Variants in HYOU1 observed in about 807,000 individuals in gnomAD.
HYOU1 encodes hypoxia up-regulated protein 1.
A neutral mutation model predicts 120.5 loss-of-function variants in HYOU1; 40 were observed. The observed-to-expected ratio is 0.33, with a 90% CI of 0.26 to 0.43. HYOU1 has a LOEUF of 0.43. Ranked by LOEUF, HYOU1 falls within the 20% of genes least tolerant of loss-of-function variation. The probability of loss-of-function intolerance (pLI) is 1.00; values close to 1 mark genes in which losing one functional copy is unlikely to be tolerated. For synonymous variants in HYOU1, 501 were observed against 479.4 expected, an observed-to-expected ratio of 1.05 and a Z score of -0.59; for missense variants, 1,085 against 1,278.3, an observed-to-expected ratio of 0.85 and a Z score of 2.31.
intron 16 of HYOU1, 162 bp from the exon 17 acceptor site, chr11:119,049,365 G>A: frequency 3.2e-6 from 5 of 1,555,536 alleles, no homozygotes; most frequent in South Asian, 1.2e-5. Context: ...GACAAAGGAA[G>A]AGCATCTGCA....
In HYOU1 at chr11:119,055,627, C is replaced by G; in HGVS notation, c.186-56G>C. ...CTGCAGCAGAAGGACTCAGAAGCCT[C>G]GACACTCACACACATTTAACCACTC... is the stretch of plus-strand genomic sequence containing the variant. On this transcript the variant is annotated intron_variant, in intron 3 of 25. Coordinates refer to ENST00000617285, the MANE Select transcript of HYOU1 (RefSeq NM_006389.5). This position sits in a 1 kb window ranked among gnomAD's most constrained non-coding sequence, Gnocchi z 4.0. 1.3e-6 allele frequency: 2 copies of G among 1,534,810 alleles called. No individual in the cohort carries two copies. The highest frequency in any genetic ancestry group is 1.8e-6 in the Non-Finnish European group (2 of 1,107,900).
Position 119,048,416 on chromosome 11 carries a change from C to A in HYOU1, c.2254-46G>T. 1 of 1,611,656 alleles carries A rather than the reference C, an allele frequency of 6.2e-7. No homozygotes were observed. The highest frequency in any genetic ancestry group is 8.5e-7 in the Non-Finnish European group (1 of 1,179,572). On this transcript the variant is annotated intron_variant, in intron 19 of 25. Coordinates refer to ENST00000617285, the MANE Select transcript of HYOU1 (RefSeq NM_006389.5). This position sits in a 1 kb window ranked among gnomAD's most constrained non-coding sequence, Gnocchi z 4.7. ...ACACATGCACCCACAAGCCCAGAGG[C>A]AAGGCCCACAGAGCCAGGTGTAAGC...
chr11:119,054,038 G>A, intron 8 of HYOU1, 83 bp downstream of exon 8: 2 of 815,870 alleles, frequency 2.5e-6, no homozygotes, highest in Non-Finnish European at 4.1e-6. Flanking sequence ...ATGCAGGAAA[G>A]CAAAGCAGTG....
chr11:119,052,817 G>C lies in HYOU1; in HGVS notation c.807C>G (p.Thr269=), dbSNP rs141477322. 59 of 1,613,386 alleles carry C rather than the reference G, an allele frequency of 3.7e-5. No individual in the cohort carries two copies. The highest frequency in any genetic ancestry group is 4.9e-5 in the Non-Finnish European group (58 of 1,179,802). Residue 269 remains threonine (T), a synonymous_variant, in exon 9 of 26, where the codon ACC becomes ACG. Coordinates refer to ENST00000617285, the MANE Select transcript of HYOU1 (RefSeq NM_006389.5). The surrounding 1 kb of genome is among the most constrained non-coding windows in gnomAD (Gnocchi z 5.0). ...LQIRGVGFDR[T]LGGLEMELRL... ...GGAGCTCCATCTCCAGGCCCCCCAG[G>C]GTACGGTCAAATCTGTTGAGAAAAG...
At position 119,047,629 on chromosome 11, in the gene HYOU1, T is replaced by C. The variant is rs150386978; in HGVS notation, c.2595+105A>G. 742 of 934,758 alleles carry C rather than the reference T, an allele frequency of 7.9e-4. 11 individuals are homozygous for C. The East Asian group carries it at 0.015, about 19-fold the overall frequency. The allele number at this position is 934,758 out of a possible 1,614,324, so 57.9% of individuals were successfully genotyped here. Reference sequence around the variant, plus strand: ...AAACATCTTTTGTCTTCAGGTTAGATGCTAAGCCAGGAGGCAGGGGCTGCT... The same window carrying C: ...AAACATCTTTTGTCTTCAGGTTAGACGCTAAGCCAGGAGGCAGGGGCTGCT... On this transcript the variant is annotated intron_variant, in intron 22 of 25. Transcript: ENST00000617285.
chr11:119,053,847 AT>A (rs1944596927), intron 8 of HYOU1: 1 of 333,568 alleles, frequency 3.0e-6, no homozygotes, highest in Admixed American at 4.5e-5. Context: ...CAAAAACATG[AT>A]TGAATCTGAC....
At position 119,055,492 on chromosome 11, in the gene HYOU1, C is replaced by T; in HGVS notation, c.264+1G>A. The T allele has an allele frequency of 6.2e-7, 1 of 1,613,812 alleles. No individual in the cohort carries two copies. The highest frequency in any genetic ancestry group is 8.5e-7 in the Non-Finnish European group (1 of 1,179,758). On this transcript the variant is annotated splice_donor_variant, in intron 4 of 25. Coordinates refer to ENST00000617285, the MANE Select transcript of HYOU1 (RefSeq NM_006389.5). LOFTEE classifies it high-confidence loss of function. This position sits in a 1 kb window ranked among gnomAD's most constrained non-coding sequence, Gnocchi z 4.0. ...TCTGGGAAGAGGGACTGCTAGCTCA[C>T]CATGCTTGCTGCACTGTCTCCAAAG... is the stretch of plus-strand genomic sequence containing the variant.
chr11:119,049,292 C>A lies in HYOU1; in HGVS notation c.1807-89G>T, dbSNP rs2133571790. On this transcript the variant is annotated intron_variant, in intron 16 of 25. Coordinates refer to ENST00000617285, the MANE Select transcript of HYOU1 (RefSeq NM_006389.5). ...CGGCACCGCCGACCCCATGGGGGTT[C>A]CATACAGGTGACTGCTGTATGGAAA... 8.6e-5 allele frequency: 136 copies of A among 1,580,540 alleles called. 2 individuals carry two copies. The South Asian group carries it at 1.5e-3, about 17-fold the overall frequency.
chr11:119,051,908 T>C lies in HYOU1; in HGVS notation c.1249A>G (p.Met417Val), dbSNP rs1241443647. The C allele has an allele frequency of 6.2e-7, 1 of 1,614,170 alleles. No homozygotes were observed. Among genetic ancestry groups the C allele is most frequent in the Non-Finnish European group, 8.5e-7 (1 of 1,180,010 alleles). Residue 417 changes from methionine to valine, a missense_variant, in exon 12 of 26, where the codon ATG (methionine) becomes GTG (valine). This residue lies in a region of HYOU1 where 515 missense variants were observed against 677.8 expected (regional missense o/e 0.76). Transcript: ENST00000617285. This position sits in a 1 kb window ranked among gnomAD's most constrained non-coding sequence, Gnocchi z 4.2. ...KNINADEAAA[M>V]GAVYQAAALS... ...GCAGCTGCCTGGTACACTGCCCCCA[T>C]GGCGGCTGCTTCATCTGCATTGATG...
chr11:119,053,989 C>T (rs2133602062), intron 8 of HYOU1, 132 bp downstream of exon 8: 1 of 629,010 alleles, frequency 1.6e-6, no homozygotes. Context: ...TGGTCCCCTA[C>T]AATGACTGAT....
Position 119,045,389 on chromosome 11 carries a change from G to A in HYOU1, c.*204C>T. 1 of 700,570 alleles carries A rather than the reference G, an allele frequency of 1.4e-6. No individual in the cohort carries two copies. Among genetic ancestry groups the A allele is most frequent in the Admixed American group, 2.0e-5 (1 of 49,808 alleles). The allele number at this position is 700,570 out of a possible 1,614,324, so 43.4% of individuals were successfully genotyped here. The stretch of plus-strand genomic sequence containing the variant: ...GGGAGTGGGGCTGGGGAGGAGAACA[G>A]TTTCCATTTTTAACCACAGAGGTAC... On this transcript the variant is annotated 3_prime_UTR_variant, in exon 26 of 26. Coordinates refer to ENST00000617285, the MANE Select transcript of HYOU1 (RefSeq NM_006389.5).
At chr11:119,056,767 G>A (rs370280559) in intron 1 of HYOU1, 4 of 220,896 alleles carry the variant, frequency 1.8e-5, no homozygotes, top group East Asian at 1.2e-4. Flanking sequence ...TTCCCCGCCC[G>A]GCGGGTAGCC....
chr11:119,057,156 T>C lies in HYOU1; in HGVS notation c.-144A>G, dbSNP rs1181032939. 1 of 151,268 alleles carries C rather than the reference T, an allele frequency of 6.6e-6. No homozygotes were observed. The highest frequency in any genetic ancestry group is 1.5e-5 in the Non-Finnish European group (1 of 67,840). The allele number at this position is 151,268 out of a possible 1,614,324, so 9.4% of individuals were successfully genotyped here. A position where few individuals can be genotyped will look rare whatever the true frequency, so the allele number is the denominator to read the frequency against. ...AACTGTTACATTAGCCACCAACCTC[T>C]CGGCGGCGTCTCGCGCACCAGCCGG... On this transcript the variant is annotated 5_prime_UTR_variant, in exon 1 of 26. Transcript: ENST00000617285.
Position 119,052,136 on chromosome 11 carries a change from T to C in HYOU1, c.1159A>G (p.Thr387Ala), listed in dbSNP as rs2133590599. The C allele has an allele frequency of 6.2e-7, 1 of 1,614,134 alleles. No individual in the cohort carries two copies. Among genetic ancestry groups the C allele is most frequent in the Non-Finnish European group, 8.5e-7 (1 of 1,180,014 alleles). The change falls in exon 11 of 26, where the codon ACT (threonine) becomes GCT (alanine). Residue 387 changes from threonine (T) to alanine (A), a missense_variant. Transcript: ENST00000617285. This position sits in a 1 kb window ranked among gnomAD's most constrained non-coding sequence, Gnocchi z 5.0. Reference protein sequence around the residue: ...IEQVILVGGATRVPRVQEVLL... With the variant: ...IEQVILVGGAARVPRVQEVLL... ...ACCTCCTGAACTCTGGGGACCCGAGTGGCCCCACCCACCAGGATCACCTGC... is the reference window on the plus strand; with the variant it reads ...ACCTCCTGAACTCTGGGGACCCGAGCGGCCCCACCCACCAGGATCACCTGC...
chr11:119,055,268 A>G lies in HYOU1; in HGVS notation c.336T>C (p.His112=), dbSNP rs2133611714. The G allele has an allele frequency of 6.2e-6, 10 of 1,614,142 alleles. No individual in the cohort carries two copies. The highest frequency in any genetic ancestry group is 3.3e-5 in the Admixed American group (2 of 60,010). ...GGAAGCGGGCCTGGTAAAGAGCTACATGGGGGTTATCTGCCTGCTTCCCCA... is the reference window on the plus strand; with the variant it reads ...GGAAGCGGGCCTGGTAAAGAGCTACGTGGGGGTTATCTGCCTGCTTCCCCA... ...HLLGKQADNP[H]VALYQARFPE... The change falls in exon 5 of 26, where the codon CAT becomes CAC. Residue 112 remains histidine (H), a synonymous_variant. Coordinates refer to ENST00000617285, the MANE Select transcript of HYOU1 (RefSeq NM_006389.5). The surrounding 1 kb of genome is among the most constrained non-coding windows in gnomAD (Gnocchi z 4.0).
At position 119,048,181 on chromosome 11, in the gene HYOU1, T is replaced by G; in HGVS notation, c.2376+67A>C. 1 of 1,608,032 alleles carries G rather than the reference T, an allele frequency of 6.2e-7. No individual in the cohort carries two copies. Among genetic ancestry groups the G allele is most frequent in the South Asian group, 1.1e-5 (1 of 90,856 alleles). On this transcript the variant is annotated intron_variant, in intron 20 of 25. Coordinates refer to ENST00000617285, the MANE Select transcript of HYOU1 (RefSeq NM_006389.5). This position sits in a 1 kb window ranked among gnomAD's most constrained non-coding sequence, Gnocchi z 4.7. ...ATGGGCTCAAGCCCCAGCTCTTCTC[T>G]CTCTCTGACCCTGGGAGAGGAAGGA...
At chr11:119,050,867 A>G (rs896505979) in intron 14 of HYOU1, among the ~76,000 whole-genome samples, 168 bp downstream of exon 14, 3 of 152,100 alleles carry the variant, frequency 2.0e-5, no homozygotes, top group African/African-American at 7.2e-5. Flanking sequence ...TATAGGCTAT[A>G]AGGAGGTCTG....
chr11:119,054,375 A>C, intron 7 of HYOU1, 119 bp downstream of exon 7: 1 of 1,212,432 alleles, frequency 8.2e-7, no homozygotes, highest in Non-Finnish European at 1.2e-6. Flanking sequence ...GGAGGAGGCT[A>C]TTGGTGCATT....
At chr11:119,053,013 G>A (rs1477172604) in intron 8 of HYOU1, 184 bp from the exon 9 acceptor site, 2 of 573,538 alleles carry the variant, frequency 3.5e-6, no homozygotes, top group Non-Finnish European at 6.1e-6. Flanking sequence ...ACACCTCGCA[G>A]TGACCCTTCT....
Sources: allele counts gnomAD v4.1 joint callset (sites outside exome capture counted in the v4.1 genomes callset), GRCh38; gene constraint gnomAD v4.1.1; regional missense constraint gnomAD v4.1.1; non-coding constraint Gnocchi (gnomAD v3.1); transcripts MANE v1.5; gene names NCBI Gene and HGNC (gene_info 2026-07-23, HGNC 2026-07-21).